KIAA0825: variants seen among roughly 807,000 people sequenced by gnomAD.
The protein encoded by KIAA0825 is uncharacterized protein KIAA0825.
A neutral mutation model predicts 147.6 loss-of-function variants in KIAA0825; 119 were observed. The observed-to-expected ratio is 0.81, with a 90% CI of 0.69 to 0.94. The LOEUF is 0.94. KIAA0825 is among the 40% of genes least tolerant of loss of function. The pLI, the probability that KIAA0825 is intolerant of heterozygous loss-of-function variation, is 0.00. For synonymous variants in KIAA0825, 470 were observed against 518.1 expected, an observed-to-expected ratio of 0.91 and a Z score of 1.26; for missense variants, 1,381 against 1,472.7, an observed-to-expected ratio of 0.94 and a Z score of 1.02.
chr5:94,268,771 T>C (rs904618517), intron 20 of KIAA0825, among the ~76,000 whole-genome samples: 15 of 152,166 alleles, frequency 9.9e-5, no homozygotes, highest in Non-Finnish European at 1.5e-4. Flanking sequence ...ACTAAGCATC[T>C]TTTTCTCTGA....
chr5:94,206,522 C>T (rs1313704991), intron 20 of KIAA0825, among the ~76,000 whole-genome samples: 1 of 152,114 alleles, frequency 6.6e-6, no homozygotes, highest in Non-Finnish European at 1.5e-5. Context: ...ATACCTTGTA[C>T]AGGACAGATT....
At chr5:94,417,823 A>C (rs1040838833) in intron 14 of KIAA0825, among the ~76,000 whole-genome samples, 2 of 152,224 alleles carry the variant, frequency 1.3e-5, no homozygotes, top group Non-Finnish European at 2.9e-5. Context: ...GAATTATGCT[A>C]TCAATTCTAC....
chr5:94,190,409 T>C (rs1480286065), intron 20 of KIAA0825, among the ~76,000 whole-genome samples: 1 of 151,982 alleles, frequency 6.6e-6, no homozygotes, highest in Non-Finnish European at 1.5e-5. Flanking sequence ...CACTGCAAGC[T>C]CCTTCTCCTG....
intron 20 of KIAA0825, among the ~76,000 whole-genome samples, chr5:94,154,777 A>C (rs1254043875): frequency 6.6e-6 from 1 of 152,194 alleles, no homozygotes; most frequent in Non-Finnish European, 1.5e-5. Context: ...ACATACAAAT[A>C]TAATCTTGCA....
At chr5:94,348,388 T>C (rs1007582924) in intron 20 of KIAA0825, among the ~76,000 whole-genome samples, 3 of 152,188 alleles carry the variant, frequency 2.0e-5, no homozygotes, top group African/African-American at 7.2e-5. Flanking sequence ...TTAAGAGCTA[T>C]GATACGGAAG....
At chr5:94,495,911 T>TA (rs1764298498) in intron 5 of KIAA0825, among the ~76,000 whole-genome samples, 1 of 152,228 alleles carries the variant, frequency 6.6e-6, no homozygotes, top group South Asian at 2.1e-4. Context: ...AGACAAATCT[T>TA]AGACTTATTT....
chr5:94,601,567 A>G (rs1786458121), intron 1 of KIAA0825, among the ~76,000 whole-genome samples: 1 of 152,196 alleles, frequency 6.6e-6, no homozygotes, highest in South Asian at 2.1e-4. Context: ...GCTGAACAGA[A>G]GTAGACCTCA....
intron 3 of KIAA0825, among the ~76,000 whole-genome samples, chr5:94,532,537 T>C (rs1771011054): frequency 6.6e-6 from 1 of 151,632 alleles, no homozygotes; most frequent in African/African-American, 2.4e-5. Flanking sequence ...TCATTTCCCT[T>C]TCCCTTTCCT....
chr5:94,578,178 T>C (rs1781412375), intron 2 of KIAA0825, among the ~76,000 whole-genome samples: 1 of 152,236 alleles, frequency 6.6e-6, no homozygotes, highest in South Asian at 2.1e-4. Flanking sequence ...GTGAATCTAT[T>C]CAATTCAAAG....
At chr5:94,348,337 C>G (rs1783243276) in intron 20 of KIAA0825, among the ~76,000 whole-genome samples, 1 of 152,132 alleles carries the variant, frequency 6.6e-6, no homozygotes, top group South Asian at 2.1e-4. Context: ...CCTAGGTACA[C>G]TGTCATCAGG....
chr5:94,601,777 G>T (rs1786503003), intron 1 of KIAA0825, among the ~76,000 whole-genome samples: 1 of 152,096 alleles, frequency 6.6e-6, no homozygotes, highest in African/African-American at 2.4e-5. Context: ...TACTCCAACA[G>T]GAGGAAAGAA....
intron 20 of KIAA0825, among the ~76,000 whole-genome samples, chr5:94,289,536 A>G (rs1212284504): frequency 1.3e-4 from 10 of 78,410 alleles, no homozygotes; most frequent in Admixed American, 6.8e-4. Flanking sequence ...CTCCATCTGG[A>G]AAAAAAAAAA....
At chr5:94,578,271 C>T (rs937077765) in intron 2 of KIAA0825, among the ~76,000 whole-genome samples, 13 of 152,288 alleles carry the variant, frequency 8.5e-5, no homozygotes, top group African/African-American at 3.1e-4. Flanking sequence ...CCTTTATATG[C>T]ATTAACTAAT....
intron 3 of KIAA0825, among the ~76,000 whole-genome samples, chr5:94,527,165 T>C (rs1769469787): frequency 6.6e-6 from 1 of 152,040 alleles, no homozygotes; most frequent in South Asian, 2.1e-4. Flanking sequence ...CATGTATGGA[T>C]GTATGTGTGT....
At chr5:94,369,094 G>T (rs2150443193) in intron 20 of KIAA0825, among the ~76,000 whole-genome samples, 1 of 152,242 alleles carries the variant, frequency 6.6e-6, no homozygotes, top group South Asian at 2.1e-4. Flanking sequence ...GGGCATTGAG[G>T]CTGGAGTGAG....
intron 20 of KIAA0825, among the ~76,000 whole-genome samples, chr5:94,256,548 G>T (rs1776263935): frequency 1.3e-5 from 2 of 152,066 alleles, no homozygotes; most frequent in Non-Finnish European, 2.9e-5. Context: ...CAGATTTACA[G>T]TATAATTACA....
At chr5:94,540,984 A>T (rs779012493) in intron 2 of KIAA0825, among the ~76,000 whole-genome samples, 2 of 152,328 alleles carry the variant, frequency 1.3e-5, no homozygotes, top group Middle Eastern at 6.8e-3. Context: ...AAGTAAAATA[A>T]CTGGTTGTTT....
At chr5:94,216,876 A>G (rs147816473) in intron 20 of KIAA0825, among the ~76,000 whole-genome samples, 268 of 152,296 alleles carry the variant, frequency 1.8e-3, no homozygotes, top group Middle Eastern at 0.014. Flanking sequence ...TCCATATTTA[A>G]TCCTCCAGTT....
intron 1 of KIAA0825, among the ~76,000 whole-genome samples, chr5:94,603,489 C>A (rs1030887335): frequency 3.9e-5 from 6 of 152,096 alleles, no homozygotes; most frequent in African/African-American, 1.4e-4. Context: ...GTACACAGAC[C>A]AATGACACTA....
Sources: gnomAD v4.1 joint callset for allele counts (sites outside exome capture counted in the v4.1 genomes callset) on GRCh38, gnomAD v4.1.1 for gene constraint, MANE v1.5 for transcripts, NCBI Gene and HGNC (gene_info 2026-07-23, HGNC 2026-07-21) for gene names.